Variants in ZNF490 observed in about 807,000 individuals in gnomAD.
ZNF490 encodes the protein zinc finger protein 490.
A neutral mutation model predicts 17.7 loss-of-function variants in ZNF490; 11 were observed. That is an observed-to-expected ratio of 0.62 (90% CI 0.39 to 1.03). The LOEUF (loss-of-function observed/expected upper bound fraction) is 1.03. Ranked by LOEUF, ZNF490 falls within the 50% of genes least tolerant of loss-of-function variation. The probability of loss-of-function intolerance (pLI) is 0.00; values close to 1 mark genes in which losing one functional copy is unlikely to be tolerated. For missense variants in ZNF490, 542 were observed against 643.4 expected, an observed-to-expected ratio of 0.84 and a Z score of 1.71; for synonymous variants, 222 against 216.1, an observed-to-expected ratio of 1.03 and a Z score of -0.24.
At chr19:12,595,356 G>A (rs976715101) in intron 2 of ZNF490, among the ~76,000 whole-genome samples, 2 of 151,950 alleles carry the variant, frequency 1.3e-5, no homozygotes, top group African/African-American at 4.8e-5. Flanking sequence ...CTCCCGACCC[G>A]CCTGTCTTAG....
chr19:12,601,768 G>A (rs528595301), intron 2 of ZNF490, among the ~76,000 whole-genome samples: 6 of 151,858 alleles, frequency 4.0e-5, no homozygotes, highest in Non-Finnish European at 7.4e-5. Context: ...CAAGGCGGGC[G>A]GATCACGAGG....
intron 3 of ZNF490, among the ~76,000 whole-genome samples, 199 bp downstream of exon 3, chr19:12,583,231 G>C (rs1200122659): frequency 1.3e-5 from 2 of 152,020 alleles, no homozygotes; most frequent in Non-Finnish European, 2.9e-5. Context: ...AGTAGAGACA[G>C]GGTTTCACCA....
In ZNF490 at chr19:12,587,900, G is replaced by A. The variant is rs1390549518; in HGVS notation, c.163-4344C>T. ...GTTTGTTTGTTTGAGTCGAAGTTTC[G>A]CTCTTGTTGCCCAGGCTGGAGTGCG... is the stretch of plus-strand genomic sequence containing the variant. On this transcript the variant is annotated intron_variant, in intron 2 of 4. Transcript: ENST00000311437. Among the ~76,000 whole-genome samples the A allele has an allele frequency of 2.3e-5, 2 of 86,518 alleles. 1 individual carries two copies. The highest frequency in any genetic ancestry group is 6.1e-5 in the Non-Finnish European group (2 of 32,626). The allele number at this position is 86,518 out of a possible 152,430, so 56.8% of individuals were successfully genotyped here. A position where few individuals can be genotyped will look rare whatever the true frequency, so the allele number is the denominator to read the frequency against.
At chr19:12,602,608 C>A (rs1429381588) in intron 2 of ZNF490, among the ~76,000 whole-genome samples, 2 of 151,838 alleles carry the variant, frequency 1.3e-5, no homozygotes, top group African/African-American at 4.8e-5. Flanking sequence ...ACAGTGCAGC[C>A]CATCATGTAT....
intron 2 of ZNF490, among the ~76,000 whole-genome samples, 198 bp from the exon 3 acceptor site, chr19:12,583,754 GCGCTCTCTCTCTCTCTCTCTCT>G (rs1382036173): frequency 1.4e-4 from 10 of 70,566 alleles, no homozygotes; most frequent in East Asian, 1.4e-3. Context: ...AAAAATTATT[GCGCTCTCTCTCTCTCTCTCTCT>G]CTCTCTCTCT....
rs2022707827 is a variant in ZNF490 at position 12,580,128 on chromosome 19, A to G, written c.*357T>C. ...ATCTCAACAAAAACAAAAACAAAAA[A>G]CAAACCCCACAAAAGATGGGATGGA... is the stretch of plus-strand genomic sequence containing the variant. On this transcript the variant is annotated 3_prime_UTR_variant, in exon 5 of 5. Transcript: ENST00000311437. The G allele has an allele frequency of 9.9e-7, 1 of 1,013,474 alleles. No individual in the cohort carries two copies. The allele number at this position is 1,013,474 out of a possible 1,614,324, so 62.8% of individuals were successfully genotyped here.
chr19:12,598,984 C>A (rs2022968521), intron 2 of ZNF490, among the ~76,000 whole-genome samples: 1 of 146,492 alleles, frequency 6.8e-6, no homozygotes, highest in South Asian at 2.1e-4. Flanking sequence ...GAGACTCCAT[C>A]TCAAAAAAAA....
At position 12,583,488 on chromosome 19, in the gene ZNF490, G is replaced by A. The variant is rs779290372; in HGVS notation, c.231C>T (p.Gly77=). The change falls in exon 3 of 5, where the codon GGC becomes GGT. Residue 77 remains glycine (G), a synonymous_variant. Coordinates refer to ENST00000311437, the MANE Select transcript of ZNF490 (RefSeq NM_020714.3). ...TCACATCTCTGTAGATATTCCTCTG[G>A]CCAGGATCCAGCAAAGCCCACTCCT... is the stretch of plus-strand genomic sequence containing the variant. ...TLEEWALLDP[G]QRNIYRDVMR... is the part of the protein sequence containing the mutation. 6.8e-6 allele frequency: 11 copies of A among 1,606,526 alleles called. No homozygotes were observed. The highest frequency in any genetic ancestry group is 4.5e-5 in the East Asian group (2 of 44,380).
At chr19:12,602,079 TACACACACACACACACACACACAC>T (rs61568541) in intron 2 of ZNF490, among the ~76,000 whole-genome samples, 2 of 68,594 alleles carry the variant, frequency 2.9e-5, no homozygotes, top group East Asian at 2.5e-4. Flanking sequence ...GTTCACTATA[TACACACACACACACACACACACAC>T]ACACACACAC....
At chr19:12,593,671 G>A (rs994571099) in intron 2 of ZNF490, among the ~76,000 whole-genome samples, 1 of 152,160 alleles carries the variant, frequency 6.6e-6, no homozygotes, top group African/African-American at 2.4e-5. Context: ...CTGATGAACT[G>A]CCCCTTGAAT....
At chr19:12,586,253 C>T (rs1599306931) in intron 2 of ZNF490, among the ~76,000 whole-genome samples, 1 of 92,572 alleles carries the variant, frequency 1.1e-5, no homozygotes, top group Non-Finnish European at 2.9e-5. Flanking sequence ...GAGCCAAGAT[C>T]GTGCCCCTGC....
chr19:12,585,298 T>C (rs2145145403), intron 2 of ZNF490, among the ~76,000 whole-genome samples: 1 of 92,648 alleles, frequency 1.1e-5, no homozygotes, highest in East Asian at 2.1e-4. Context: ...TCCCAGCACT[T>C]TGGGAGGCAG....
At chr19:12,605,368 C>T (rs760820953) in intron 2 of ZNF490, among the ~76,000 whole-genome samples, 1 of 151,682 alleles carries the variant, frequency 6.6e-6, no homozygotes, top group Non-Finnish European at 1.5e-5. Context: ...ATATTCCTAG[C>T]TACTTGCGGG....
intron 4 of ZNF490, among the ~76,000 whole-genome samples, 175 bp downstream of exon 4, chr19:12,582,675 T>C (rs2022754659): frequency 1.3e-5 from 2 of 152,008 alleles, no homozygotes; most frequent in Non-Finnish European, 2.9e-5. Flanking sequence ...ATTACAGACA[T>C]GAGCCACCAC....
At chr19:12,609,117 C>T in intron 2 of ZNF490, 41 bp downstream of exon 2, 3 of 1,609,046 alleles carry the variant, frequency 1.9e-6, no homozygotes, top group Non-Finnish European at 2.6e-6. Flanking sequence ...TCATTATAAA[C>T]AAGGAAGGTA....
At position 12,578,863 on chromosome 19, in the gene ZNF490, A is replaced by G. The variant is rs2022679790; in HGVS notation, c.*1622T>C. ...CCCATTCCTTTAATTCTTCCTACGAAGAATCTCGACAATGGTTGCAGATGT... is the reference window on the plus strand; with the variant it reads ...CCCATTCCTTTAATTCTTCCTACGAGGAATCTCGACAATGGTTGCAGATGT... On this transcript the variant is annotated 3_prime_UTR_variant, in exon 5 of 5. Coordinates refer to ENST00000311437, the MANE Select transcript of ZNF490 (RefSeq NM_020714.3). 1 of 985,468 alleles carries G rather than the reference A, an allele frequency of 1.0e-6. No individual in the cohort carries two copies. The highest frequency in any genetic ancestry group is 1.7e-5 in the African/African-American group (1 of 57,364). The allele number at this position is 985,468 out of a possible 1,614,324, so 61.0% of individuals were successfully genotyped here.
At chr19:12,598,180 C>T (rs1189193724) in intron 2 of ZNF490, among the ~76,000 whole-genome samples, 2 of 151,388 alleles carry the variant, frequency 1.3e-5, no homozygotes, top group Non-Finnish European at 2.9e-5. Flanking sequence ...GCCAAGATCG[C>T]GCCACTGCAC....
rs1394865552 is a variant in ZNF490 at position 12,579,734 on chromosome 19, C to T, written c.*751G>A. On this transcript the variant is annotated 3_prime_UTR_variant, in exon 5 of 5. Transcript: ENST00000311437. ...GCTGAGGCAGAAGAATTGCTTGAAC[C>T]CAGAGGTTACAGTGAGCCAGGATCA... The T allele has an allele frequency of 6.6e-6, 1 of 152,050 alleles. No individual in the cohort carries two copies. The highest frequency in any genetic ancestry group is 2.4e-5 in the African/African-American group (1 of 41,358). 9.4% of individuals were successfully genotyped at this position (152,050 alleles called of 1,614,324 possible).
chr19:12,601,764 G>A (rs1451699948), intron 2 of ZNF490, among the ~76,000 whole-genome samples: 3 of 151,696 alleles, frequency 2.0e-5, no homozygotes, highest in African/African-American at 7.3e-5. Context: ...AGGCCAAGGC[G>A]GGCGGATCAC....
Sources: gnomAD v4.1 joint callset for allele counts (sites outside exome capture counted in the v4.1 genomes callset) on GRCh38, gnomAD v4.1.1 for gene constraint, MANE v1.5 for transcripts, NCBI Gene and HGNC (gene_info 2026-07-23, HGNC 2026-07-21) for gene names.